The following GABRG1 variants were observed in gnomAD, a reference collection of about 807,000 sequenced individuals.
The protein encoded by GABRG1 is gamma-aminobutyric acid receptor subunit gamma-1.
A neutral mutation model predicts 49.8 loss-of-function variants in GABRG1; 49 were observed. The ratio of observed to expected loss-of-function variants is 0.98; its 90% CI spans 0.78 to 1.25. The LOEUF (loss-of-function observed/expected upper bound fraction) is 1.25. Ranked by LOEUF, GABRG1 falls within the 50% of genes most tolerant of loss-of-function variation. The pLI is 0.00. For synonymous variants in GABRG1, 232 were observed against 185.1 expected (o/e 1.25, Z -2.06); for missense variants, 552 against 552.3 (o/e 1.00, Z 0.01).
Position 46,076,362 on chromosome 4 carries a change from CATAT to C in GABRG1, c.321+7620_321+7623del, listed in dbSNP as rs1203391424. Among the ~76,000 whole-genome samples the C allele has an allele frequency of 9.8e-3, 767 of 78,596 alleles. 12 individuals carry two copies. The highest frequency in any genetic ancestry group is 0.09 in the East Asian group (141 of 1,572). 51.6% of individuals were successfully genotyped at this position (78,596 alleles called of 152,430 possible). On this transcript the variant is annotated intron_variant, in intron 3 of 8. Transcript: ENST00000295452. Reference sequence around the variant, plus strand: ...ACCTAAATTTATCTTAGGTCATGTTCATATATATATATATATATATATATATATA... The same window carrying C: ...ACCTAAATTTATCTTAGGTCATGTTCATATATATATATATATATATATATA...
chr4:46,059,259 G>T (rs1219154096), intron 5 of GABRG1, among the ~76,000 whole-genome samples: 1 of 152,072 alleles, frequency 6.6e-6, no homozygotes, highest in Non-Finnish European at 1.5e-5. Flanking sequence ...CATGCCTCCC[G>T]AAACGTGGCA....
chr4:46,045,557 A>T (rs1452897845), intron 8 of GABRG1, among the ~76,000 whole-genome samples: 5 of 151,152 alleles, frequency 3.3e-5, no homozygotes, highest in Admixed American at 3.3e-4. Context: ...ACTCCTTAAG[A>T]TTTTTTTTTC....
In GABRG1 at chr4:46,039,577, T is replaced by C. The variant is rs1305940091; in HGVS notation, c.*1411A>G. On this transcript the variant is annotated 3_prime_UTR_variant, in exon 9 of 9. Transcript: ENST00000295452. Reference sequence around the variant, plus strand: ...TCATTGGTCTTGGCAACAGAAACAATCTTTAAAGGTTATTTCCAAGCTAAA... The same window carrying C: ...TCATTGGTCTTGGCAACAGAAACAACCTTTAAAGGTTATTTCCAAGCTAAA... The C allele has an allele frequency of 1.3e-5, 2 of 151,662 alleles. No individual in the cohort carries two copies. The highest frequency in any genetic ancestry group is 3.0e-5 in the Non-Finnish European group (2 of 67,782). 9.4% of individuals were successfully genotyped at this position (151,662 alleles called of 1,614,324 possible). A position where few individuals can be genotyped will look rare whatever the true frequency, so the allele number is the denominator to read the frequency against.
chr4:46,062,651 T>C (rs1428948626), intron 5 of GABRG1, among the ~76,000 whole-genome samples: 1 of 152,188 alleles, frequency 6.6e-6, no homozygotes, highest in Admixed American at 6.6e-5. Context: ...TTTTCATGTG[T>C]CTTTTGGCTG....
At chr4:46,072,076 A>G (rs2109413963) in intron 3 of GABRG1, among the ~76,000 whole-genome samples, 1 of 152,142 alleles carries the variant, frequency 6.6e-6, no homozygotes, top group East Asian at 1.9e-4. Flanking sequence ...TTTATCTTTT[A>G]TACCATATTT....
At chr4:46,056,283 G>T (rs1718445737) in intron 7 of GABRG1, among the ~76,000 whole-genome samples, 2 of 151,214 alleles carry the variant, frequency 1.3e-5, no homozygotes, top group Admixed American at 1.3e-4. Context: ...TATTTTCTGT[G>T]ACTATTCATT....
chr4:46,051,832 A>C lies in GABRG1; in HGVS notation c.917-194T>G, dbSNP rs1050822728. ...GCTCTTTGTGTTTCTGTGAGTTCTA[A>C]TCATTTAAATTACTGCGGAGTGCAA... is the stretch of plus-strand genomic sequence containing the variant. On this transcript the variant is annotated intron_variant, in intron 7 of 8. Transcript: ENST00000295452. Among the ~76,000 whole-genome samples the C allele has an allele frequency of 4.6e-5, 7 of 151,862 alleles. No individual in the cohort carries two copies. In the Admixed American group the frequency reaches 4.6e-4, roughly 10 times the overall value.
In GABRG1 at chr4:46,107,253, TAGAA is replaced by T. The variant is rs1409951850; in HGVS notation, c.105-9908_105-9905del. 4.0e-5 allele frequency among the ~76,000 whole-genome samples: 6 copies of T among 151,394 alleles called. No individual in the cohort carries two copies. In the East Asian group the frequency reaches 9.8e-4, roughly 25 times the overall value. ...TATTTTCTTTTCATTTGTCATTAACTAGAAACTCATTATAGTTTGCCATTTATCA... is the reference window on the plus strand; with the variant it reads ...TATTTTCTTTTCATTTGTCATTAACTACTCATTATAGTTTGCCATTTATCA... On this transcript the variant is annotated intron_variant, in intron 1 of 8. Coordinates refer to ENST00000295452, the MANE Select transcript of GABRG1 (RefSeq NM_173536.4).
At chr4:46,045,743 A>G (rs1190275571) in intron 8 of GABRG1, among the ~76,000 whole-genome samples, 1 of 151,926 alleles carries the variant, frequency 6.6e-6, no homozygotes, top group Non-Finnish European at 1.5e-5. Context: ...AATTTTTTGT[A>G]TTTTTGTAGA....
At position 46,058,340 on chromosome 4, in the gene GABRG1, C is replaced by A. The variant is rs1718530321; in HGVS notation, c.793G>T (p.Asp265Tyr). The A allele has an allele frequency of 5.6e-6, 9 of 1,604,374 alleles. No homozygotes were observed. Among genetic ancestry groups the A allele is most frequent in the African/African-American group, 2.7e-5 (2 of 73,950 alleles). The change falls in exon 7 of 9, where the codon GAC (aspartate) becomes TAC (tyrosine). Residue 265 changes from aspartate (D) to tyrosine (Y), a missense_variant. By Grantham distance (160) the Asp-to-Tyr change is radical (BLOSUM62 -3). Coordinates refer to ENST00000295452, the MANE Select transcript of GABRG1 (RefSeq NM_173536.4). ...AAATATCCCATTCTTCTGCTCAGGT[C>A]AAAAAAAATTGTCATGATAACATAA... is the stretch of plus-strand genomic sequence containing the variant. Reference protein sequence around the residue: ...GDYVIMTIFFDLSRRMGYFTI... With the variant: ...GDYVIMTIFFYLSRRMGYFTI...
intron 1 of GABRG1, among the ~76,000 whole-genome samples, chr4:46,114,236 A>C (rs1187857402): frequency 1.3e-5 from 2 of 151,088 alleles, no homozygotes; most frequent in Admixed American, 6.6e-5. Context: ...TTATATGTGC[A>C]GCTGAAGCAA....
intron 8 of GABRG1, among the ~76,000 whole-genome samples, chr4:46,044,088 C>A (rs1401506819): frequency 6.6e-6 from 1 of 151,824 alleles, no homozygotes; most frequent in South Asian, 2.1e-4. Flanking sequence ...TGAGAAAATG[C>A]CAAACTAAGC....
intron 2 of GABRG1, among the ~76,000 whole-genome samples, chr4:46,092,828 G>A (rs1374550713): frequency 4.0e-5 from 6 of 151,596 alleles, no homozygotes; most frequent in South Asian, 4.2e-4. Context: ...TTAGAAGGCC[G>A]AGGTGGGTGG....
chr4:46,065,450 G>A lies in GABRG1; in HGVS notation c.456C>T (p.Asn152=), dbSNP rs146755726. ...TCCAGTGAGCATCAGATTTTCTTGA[G>A]TTTCTGAAGAAAGTGTCAGGAATCC... ...KIWIPDTFFR[N]SRKSDAHWIT... is the part of the protein sequence containing the mutation. The change falls in exon 4 of 9, where the codon AAC becomes AAT. Residue 152 remains asparagine, a synonymous_variant. Coordinates refer to ENST00000295452, the MANE Select transcript of GABRG1 (RefSeq NM_173536.4). 412 of 1,612,648 alleles carry A rather than the reference G, an allele frequency of 2.6e-4. No individual in the cohort carries two copies. Among genetic ancestry groups the A allele is most frequent in the Non-Finnish European group, 3.2e-4 (383 of 1,179,328 alleles).
chr4:46,060,363 C>T (rs892590199), intron 5 of GABRG1, among the ~76,000 whole-genome samples: 1 of 152,004 alleles, frequency 6.6e-6, no homozygotes, highest in Non-Finnish European at 1.5e-5. Flanking sequence ...TTCTATTACA[C>T]TACCATCTTA....
At chr4:46,114,178 A>C (rs550029211) in intron 1 of GABRG1, among the ~76,000 whole-genome samples, 19 of 151,232 alleles carry the variant, frequency 1.3e-4, no homozygotes, top group African/African-American at 4.3e-4. Context: ...AAAATAAGTA[A>C]AAGAGTGATA....
intron 1 of GABRG1, among the ~76,000 whole-genome samples, chr4:46,104,782 A>G (rs997122907): frequency 1.3e-5 from 2 of 151,404 alleles, no homozygotes; most frequent in Non-Finnish European, 3.0e-5. Flanking sequence ...GCATTTCTGG[A>G]TGCTGGGGAT....
chr4:46,071,944 A>C (rs1719142076), intron 3 of GABRG1, among the ~76,000 whole-genome samples: 1 of 152,070 alleles, frequency 6.6e-6, no homozygotes, highest in South Asian at 2.1e-4. Flanking sequence ...TATAAGGTCT[A>C]AAGTAGTGCA....
chr4:46,048,552 G>A (rs907449621), intron 8 of GABRG1, among the ~76,000 whole-genome samples: 1 of 147,798 alleles, frequency 6.8e-6, no homozygotes, highest in African/African-American at 2.5e-5. Context: ...ACCATGCACC[G>A]ACTCTTTACA....
Sources: allele counts gnomAD v4.1 joint callset (sites outside exome capture counted in the v4.1 genomes callset), GRCh38; gene constraint gnomAD v4.1.1; transcripts MANE v1.5; gene names NCBI Gene and HGNC (gene_info 2026-07-23, HGNC 2026-07-21).